The following NUDCD3 variants were observed in gnomAD, a reference collection of about 807,000 sequenced individuals.
NUDCD3 encodes the protein NudC domain containing 3, also known as nudC domain-containing protein 3.
Under a neutral mutation model 39.7 loss-of-function variants are expected in NUDCD3, and 13 were observed. The ratio of observed to expected loss-of-function variants is 0.33; its 90% CI spans 0.21 to 0.52. The LOEUF (loss-of-function observed/expected upper bound fraction) is 0.52, where lower values mean the gene tolerates loss of function less well. Among genes scored for constraint, NUDCD3 ranks in the 20% least tolerant of loss-of-function variants. The probability of loss-of-function intolerance (pLI) is 0.96; values close to 1 mark genes in which losing one functional copy is unlikely to be tolerated. For missense variants in NUDCD3, 453 were observed against 458.1 expected, an observed-to-expected ratio of 0.99 and a Z score of 0.10; for synonymous variants, 175 against 172.4, an observed-to-expected ratio of 1.02 and a Z score of -0.12.
rs370403063 is a variant in NUDCD3 at position 44,427,772 on chromosome 7, C to T, written c.510-69G>A. 3.3e-6 allele frequency: 5 copies of T among 1,533,822 alleles called. No individual in the cohort carries two copies. In the African/African-American group the frequency reaches 4.1e-5, roughly 13 times the overall value. On this transcript the variant is annotated intron_variant, in intron 2 of 5. Coordinates refer to ENST00000355451, the MANE Select transcript of NUDCD3 (RefSeq NM_015332.4). Reference sequence around the variant, plus strand: ...GCAGAGGACCCCATGGGCAGCCTAGCCCATGCCACTCCTACATCCTGGAGA... The same window carrying T: ...GCAGAGGACCCCATGGGCAGCCTAGTCCATGCCACTCCTACATCCTGGAGA...
chr7:44,453,751 A>G (rs1308907237), intron 2 of NUDCD3, among the ~76,000 whole-genome samples: 1 of 152,174 alleles, frequency 6.6e-6, no homozygotes, highest in Non-Finnish European at 1.5e-5. Context: ...AAATGTAAAT[A>G]ATAAAAGCTT....
chr7:44,393,453 C>T (rs1798558373), intron 4 of NUDCD3, among the ~76,000 whole-genome samples: 1 of 152,208 alleles, frequency 6.6e-6, no homozygotes, highest in African/African-American at 2.4e-5. Flanking sequence ...CCTGGCCACA[C>T]CATGCCCTGT....
chr7:44,419,030 G>GGCTTTT (rs919786044), intron 3 of NUDCD3, among the ~76,000 whole-genome samples: 11 of 151,768 alleles, frequency 7.2e-5, no homozygotes, highest in African/African-American at 2.7e-4. Flanking sequence ...TTTTTTGTTT[G>GGCTTTT]GTTTTTGTTT....
chr7:44,421,203 G>A (rs914199404), intron 3 of NUDCD3, among the ~76,000 whole-genome samples: 10 of 151,902 alleles, frequency 6.6e-5, no homozygotes, highest in African/African-American at 2.4e-4. Context: ...GCATGGTGGC[G>A]TGCACCTGTA....
rs539936830 is a variant in NUDCD3 at position 44,445,255 on chromosome 7, C to T, written c.510-17552G>A. Among the ~76,000 whole-genome samples, 9 of 152,350 alleles carry T rather than the reference C, an allele frequency of 5.9e-5. No individual in the cohort carries two copies. The East Asian group carries it at 1.7e-3, about 29-fold the overall frequency. On this transcript the variant is annotated intron_variant, in intron 2 of 5. Transcript: ENST00000355451. ...CCCCTACCTTGTCCACCCTGACTGACTGCTGCCTATTAACTTTCTGACAAA... is the reference window on the plus strand; with the variant it reads ...CCCCTACCTTGTCCACCCTGACTGATTGCTGCCTATTAACTTTCTGACAAA...
intron 4 of NUDCD3, among the ~76,000 whole-genome samples, chr7:44,400,045 G>A (rs139237374): frequency 1.5e-3 from 223 of 152,256 alleles, no homozygotes; most frequent in Non-Finnish European, 2.9e-3. Context: ...AAGAGCCCCC[G>A]CAGCAGAGCA....
chr7:44,485,330 T>C (rs1346973293), intron 1 of NUDCD3, 46 bp from the exon 2 acceptor site: 9 of 1,409,098 alleles, frequency 6.4e-6, no homozygotes, highest in South Asian at 4.0e-5. Context: ...TGCCCAATAC[T>C]GTACCACATA....
At chr7:44,469,136 A>G (rs1196029505) in intron 2 of NUDCD3, among the ~76,000 whole-genome samples, 4 of 150,406 alleles carry the variant, frequency 2.7e-5, no homozygotes, top group Non-Finnish European at 5.9e-5. Context: ...AAAAAAAAAA[A>G]AAAAACAGGA....
At chr7:44,423,899 C>T (rs1799188063) in intron 3 of NUDCD3, among the ~76,000 whole-genome samples, 1 of 152,168 alleles carries the variant, frequency 6.6e-6, no homozygotes, top group Non-Finnish European at 1.5e-5. Context: ...AACTATACTA[C>T]AAGGCTACAA....
At chr7:44,480,593 A>T (rs1193228015) in intron 2 of NUDCD3, among the ~76,000 whole-genome samples, 1 of 152,180 alleles carries the variant, frequency 6.6e-6, no homozygotes, top group Non-Finnish European at 1.5e-5. Context: ...CCATAGCCCA[A>T]ATCAAAATAT....
chr7:44,424,741 G>A (rs1167057293), intron 3 of NUDCD3, among the ~76,000 whole-genome samples: 1 of 152,118 alleles, frequency 6.6e-6, no homozygotes, highest in East Asian at 1.9e-4. Flanking sequence ...GATTCCTCAA[G>A]GATCTAGAGC....
chr7:44,486,177 A>G (rs1163926953), intron 1 of NUDCD3, among the ~76,000 whole-genome samples: 1 of 152,216 alleles, frequency 6.6e-6, no homozygotes, highest in Non-Finnish European at 1.5e-5. Context: ...AAGCTCTTGC[A>G]ATAACTGGAG....
intron 1 of NUDCD3, among the ~76,000 whole-genome samples, chr7:44,487,329 A>G (rs762197004): frequency 6.6e-6 from 1 of 152,122 alleles, no homozygotes; most frequent in Non-Finnish European, 1.5e-5. Context: ...AAGTTCCACA[A>G]TGATGCAGCC....
intron 3 of NUDCD3, among the ~76,000 whole-genome samples, chr7:44,409,891 GA>G (rs1456108473): frequency 2.0e-5 from 3 of 151,996 alleles, no homozygotes; most frequent in Non-Finnish European, 4.4e-5. Flanking sequence ...GTAAAAGGGG[GA>G]AAAGATAAGC....
intron 2 of NUDCD3, among the ~76,000 whole-genome samples, chr7:44,448,896 G>A (rs570369492): frequency 6.0e-4 from 91 of 152,234 alleles, no homozygotes; most frequent in Non-Finnish European, 3.1e-4. Context: ...TGTTGGACAA[G>A]CAAGAAGGGA....
intron 2 of NUDCD3, among the ~76,000 whole-genome samples, chr7:44,480,328 G>A (rs910200663): frequency 6.6e-6 from 1 of 152,044 alleles, no homozygotes. Context: ...AGAAAAATTA[G>A]AAAATATAGT....
intron 2 of NUDCD3, among the ~76,000 whole-genome samples, chr7:44,461,314 C>T (rs1347398420): frequency 1.3e-5 from 2 of 152,200 alleles, no homozygotes; most frequent in African/African-American, 2.4e-5. Flanking sequence ...CTGTGAGCCC[C>T]TTGAGCATCT....
chr7:44,394,755 A>G (rs557601672), intron 4 of NUDCD3, among the ~76,000 whole-genome samples: 105 of 152,342 alleles, frequency 6.9e-4, no homozygotes, highest in Non-Finnish European at 1.4e-3. Context: ...TGGGGCTGAC[A>G]GCCCACCATC....
intron 2 of NUDCD3, among the ~76,000 whole-genome samples, chr7:44,444,374 G>A (rs1396920108): frequency 6.6e-6 from 1 of 152,158 alleles, no homozygotes; most frequent in Non-Finnish European, 1.5e-5. Flanking sequence ...CCTGTCCGAG[G>A]TGTCCCAGGC....
Sources: gnomAD v4.1 joint callset for allele counts (sites outside exome capture counted in the v4.1 genomes callset) on GRCh38, gnomAD v4.1.1 for gene constraint, MANE v1.5 for transcripts, NCBI Gene and HGNC (gene_info 2026-07-23, HGNC 2026-07-21) for gene names.